The following DDAH1 variants were observed in gnomAD, a reference collection of about 807,000 sequenced individuals.
The protein encoded by DDAH1 is N(G),N(G)-dimethylarginine dimethylaminohydrolase 1.
DDAH1 carries 19 observed loss-of-function variants against 28.8 expected under a neutral mutation model. The ratio of observed to expected loss-of-function variants is 0.66; its 90% CI spans 0.46 to 0.97. The LOEUF (loss-of-function observed/expected upper bound fraction) is 0.97, where lower values mean the gene tolerates loss of function less well. DDAH1 is among the 50% of genes least tolerant of loss of function. The pLI is 0.00. For synonymous variants in DDAH1, 153 were observed against 154.4 expected (o/e 0.99, Z 0.07); for missense variants, 326 against 375.9 (o/e 0.87, Z 1.10).
At chr1:85,420,902 A>C (rs1180513290) in intron 1 of DDAH1, among the ~76,000 whole-genome samples, 2 of 152,210 alleles carry the variant, frequency 1.3e-5, no homozygotes, top group African/African-American at 4.8e-5. Flanking sequence ...AAAGAGGTTT[A>C]ATTGGCTCAG....
At chr1:85,330,664 G>A (rs1647705374) in intron 4 of DDAH1, among the ~76,000 whole-genome samples, 1 of 152,244 alleles carries the variant, frequency 6.6e-6, no homozygotes, top group Non-Finnish European at 1.5e-5. Flanking sequence ...AAAGATCTGA[G>A]AAGTCAAGTT....
chr1:85,436,150 A>T (rs1211986916), intron 1 of DDAH1, among the ~76,000 whole-genome samples: 1 of 152,206 alleles, frequency 6.6e-6, no homozygotes, highest in East Asian at 1.9e-4. Context: ...TTCAAGAACA[A>T]TACTAAAAAT....
chr1:85,551,325 G>A (rs894956752), intron 1 of DDAH1, among the ~76,000 whole-genome samples: 7 of 152,160 alleles, frequency 4.6e-5, no homozygotes, highest in African/African-American at 1.7e-4. Flanking sequence ...CAAGGTTTGT[G>A]AACAGAGCTC....
chr1:85,376,161 T>A (rs1366600351), intron 1 of DDAH1, among the ~76,000 whole-genome samples: 3 of 152,194 alleles, frequency 2.0e-5, no homozygotes, highest in African/African-American at 7.2e-5. Context: ...ATGGATTAAA[T>A]GCTTTAAAGT....
intron 1 of DDAH1, among the ~76,000 whole-genome samples, chr1:85,449,628 T>A (rs1237236217): frequency 1.3e-5 from 2 of 152,148 alleles, no homozygotes; most frequent in African/African-American, 4.8e-5. Flanking sequence ...TAAACGATAC[T>A]GCTGTTGTTT....
intron 1 of DDAH1, among the ~76,000 whole-genome samples, chr1:85,367,436 C>A (rs755766804): frequency 1.3e-5 from 2 of 152,208 alleles, no homozygotes; most frequent in African/African-American, 2.4e-5. Context: ...TTATCTTTAT[C>A]TCCTCAACAC....
intron 1 of DDAH1, among the ~76,000 whole-genome samples, chr1:85,572,239 T>C (rs774115512): frequency 2.4e-4 from 36 of 152,260 alleles, no homozygotes; most frequent in Non-Finnish European, 3.4e-4. Context: ...TTGTTTATTA[T>C]CAGACTCTCA....
chr1:85,525,149 C>G (rs1423652023), intron 1 of DDAH1, among the ~76,000 whole-genome samples: 3 of 151,406 alleles, frequency 2.0e-5, no homozygotes, highest in Non-Finnish European at 4.4e-5. Flanking sequence ...TGTAGAAATG[C>G]TGGAGATGCT....
chr1:85,324,955 G>C, intron 4 of DDAH1, 72 bp from the exon 5 acceptor site: 1 of 1,566,694 alleles, frequency 6.4e-7, no homozygotes, highest in Non-Finnish European at 8.7e-7. Flanking sequence ...AGGCAGTGTG[G>C]TAGGATACAA....
intron 1 of DDAH1, among the ~76,000 whole-genome samples, chr1:85,415,661 AAC>A (rs1235184647): frequency 3.3e-5 from 5 of 152,240 alleles, no homozygotes; most frequent in African/African-American, 1.2e-4. Flanking sequence ...AAAAAAATGA[AAC>A]ACTATATTAT....
chr1:85,452,418 C>T (rs1146382), intron 1 of DDAH1, among the ~76,000 whole-genome samples: 88,670 of 151,956 alleles, frequency 0.58, 26,097 homozygotes, highest in African/African-American at 0.63. Flanking sequence ...AGAGGGAACA[C>T]GTAGATGCGT....
intron 1 of DDAH1, chr1:85,398,920 T>A (rs1316677899): frequency 6.6e-6 from 1 of 152,192 alleles, no homozygotes; most frequent in Non-Finnish European, 1.5e-5. Context: ...GCAACATCCC[T>A]AATATCCCTA....
chr1:85,521,395 G>A (rs1341929801), intron 1 of DDAH1, among the ~76,000 whole-genome samples: 14 of 151,632 alleles, frequency 9.2e-5, no homozygotes, highest in African/African-American at 3.1e-4. Flanking sequence ...ATCCCATTTT[G>A]CCCCAACACT....
At chr1:85,528,568 A>C (rs1657950901) in intron 1 of DDAH1, among the ~76,000 whole-genome samples, 1 of 151,734 alleles carries the variant, frequency 6.6e-6, no homozygotes, top group Non-Finnish European at 1.5e-5. Flanking sequence ...TAACTTTTTA[A>C]AGAGGAAGAC....
intron 1 of DDAH1, chr1:85,399,233 C>T (rs1371069077): frequency 6.6e-6 from 1 of 152,154 alleles, no homozygotes; most frequent in Non-Finnish European, 1.5e-5. Context: ...TTCTCTGGTA[C>T]ACTATATCCT....
intron 1 of DDAH1, among the ~76,000 whole-genome samples, chr1:85,513,081 C>T (rs1351934195): frequency 6.6e-5 from 10 of 152,122 alleles, no homozygotes; most frequent in South Asian, 2.1e-4. Flanking sequence ...GGAGGCATCA[C>T]GCTACCTGAC....
intron 1 of DDAH1, among the ~76,000 whole-genome samples, chr1:85,512,694 T>A (rs1195803233): frequency 1.3e-5 from 2 of 152,184 alleles, no homozygotes; most frequent in Non-Finnish European, 2.9e-5. Flanking sequence ...CAAGCATTCC[T>A]ATACACCATT....
At chr1:85,480,245 C>T (rs1390806609) in intron 2 of DDAH1, among the ~76,000 whole-genome samples, 1 of 152,174 alleles carries the variant, frequency 6.6e-6, no homozygotes, top group East Asian at 1.9e-4. Context: ...TTAAACTGCT[C>T]CCTTCCACAC....
chr1:85,367,544 C>A (rs1441103328), intron 1 of DDAH1, among the ~76,000 whole-genome samples: 1 of 152,138 alleles, frequency 6.6e-6, no homozygotes, highest in East Asian at 1.9e-4. Flanking sequence ...AAGTGCCAAG[C>A]ATTGTGCTAA....
Sources: gnomAD v4.1 joint callset for allele counts (sites outside exome capture counted in the v4.1 genomes callset) on GRCh38, gnomAD v4.1.1 for gene constraint, MANE v1.5 for transcripts, NCBI Gene and HGNC (gene_info 2026-07-23, HGNC 2026-07-21) for gene names.